Variants in TPCN2 observed in about 807,000 individuals in gnomAD.
TPCN2 encodes two pore channel protein 2.
Under a neutral mutation model 111.4 loss-of-function variants are expected in TPCN2, and 92 were observed. The observed-to-expected ratio is 0.83, with a 90% CI of 0.70 to 0.98. The LOEUF is 0.98. Ranked by LOEUF, TPCN2 falls within the 50% of genes least tolerant of loss-of-function variation. The pLI is 0.00. For synonymous variants in TPCN2, 405 were observed against 414.5 expected (o/e 0.98, Z 0.28); for missense variants, 995 against 980.1 (o/e 1.02, Z -0.20).
chr11:69,059,730 G>A (rs765828387), intron 5 of TPCN2, among the ~76,000 whole-genome samples: 5 of 152,244 alleles, frequency 3.3e-5, no homozygotes, highest in Non-Finnish European at 7.3e-5. Context: ...GATGGTGCTG[G>A]GAGAGGCGTT....
intron 7 of TPCN2, among the ~76,000 whole-genome samples, chr11:69,064,270 T>G (rs1855159549): frequency 1.6e-5 from 2 of 126,260 alleles, no homozygotes; most frequent in Non-Finnish European, 3.6e-5. Flanking sequence ...CCTATCCTCC[T>G]TCCCACTTCC....
At chr11:69,081,522 C>T (rs1328857009) in intron 18 of TPCN2, 23 bp downstream of exon 18, 3 of 1,507,702 alleles carry the variant, frequency 2.0e-6, no homozygotes, top group African/African-American at 1.4e-5. Context: ...CCCACCCCCA[C>T]TCGCCCCACC....
In TPCN2 at chr11:69,072,927, T is replaced by C. The variant is rs143088856; in HGVS notation, c.1156T>C (p.Tyr386His). 2 of 1,613,076 alleles carry C rather than the reference T, an allele frequency of 1.2e-6. No homozygotes were observed. The highest frequency in any genetic ancestry group is 1.6e-4 in the Middle Eastern group (1 of 6,074). The change falls in exon 13 of 25, where the codon TAT becomes CAT. Residue 386 changes from tyrosine to histidine, a missense_variant. Transcript: ENST00000294309. ...KQAMMEKVRS[Y>H]GSVLLSAEEF... Reference sequence around the variant, plus strand: ...CCTTCCTGTGCAGAAGGTGCGTTCCTATGGCAGTGTTCTGCTCTCAGCTGA... The same window carrying C: ...CCTTCCTGTGCAGAAGGTGCGTTCCCATGGCAGTGTTCTGCTCTCAGCTGA...
chr11:69,072,224 G>GT (rs1855565969), intron 11 of TPCN2, among the ~76,000 whole-genome samples: 1 of 125,096 alleles, frequency 8.0e-6, no homozygotes, highest in East Asian at 2.2e-4. Context: ...CTTTGTCTTC[G>GT]TGCCCCCCGG....
rs138440805 is a variant in TPCN2 at position 69,078,988 on chromosome 11, G to A, written c.1507G>A (p.Val503Met). The change falls in exon 16 of 25, where the codon GTG (valine) becomes ATG (methionine). Residue 503 changes from valine to methionine, a missense_variant. By Grantham distance (21) the Val-to-Met change is conservative (BLOSUM62 1). Transcript: ENST00000294309. ...LRGYLSYPSNVFDGLLTVVLL... is the reference protein window; with the variant it reads ...LRGYLSYPSNMFDGLLTVVLL... The stretch of plus-strand genomic sequence containing the variant: ...AGGGTACCTGTCCTACCCCAGCAAC[G>A]TGTTTGACGGGCTCCTCACCGTTGT... 63 of 1,613,376 alleles carry A rather than the reference G, an allele frequency of 3.9e-5. No individual in the cohort carries two copies. Among genetic ancestry groups the A allele is most frequent in the Non-Finnish European group, 5.0e-5 (59 of 1,179,770 alleles).
intron 7 of TPCN2, among the ~76,000 whole-genome samples, 172 bp downstream of exon 7, chr11:69,064,139 C>T (rs539626070): frequency 1.3e-4 from 20 of 152,224 alleles, no homozygotes; most frequent in African/African-American, 4.8e-4. Context: ...CACAGTGCTC[C>T]ACCACCCCAC....
chr11:69,073,031 A>C, intron 13 of TPCN2, 30 bp downstream of exon 13: 1 of 1,545,888 alleles, frequency 6.5e-7, no homozygotes, highest in South Asian at 1.1e-5. Flanking sequence ...CCCAGGGTGG[A>C]TAGTGGGGGC....
At chr11:69,085,598 G>C in intron 20 of TPCN2, 73 bp from the exon 21 acceptor site, 1 of 1,018,626 alleles carries the variant, frequency 9.8e-7, no homozygotes, top group Non-Finnish European at 1.5e-6. Flanking sequence ...GCCAGCAGAG[G>C]AAAGGGGTGT....
chr11:69,086,781 G>A (rs1417996127), intron 23 of TPCN2, among the ~76,000 whole-genome samples, 177 bp downstream of exon 23: 1 of 152,086 alleles, frequency 6.6e-6, no homozygotes, highest in Non-Finnish European at 1.5e-5. Flanking sequence ...TGCCCGCCCT[G>A]GCTGCTGGGG....
At position 69,071,751 on chromosome 11, in the gene TPCN2, C is replaced by T. The variant is rs1053480180; in HGVS notation, c.961-172C>T. 3.3e-5 allele frequency among the ~76,000 whole-genome samples: 5 copies of T among 152,284 alleles called. No individual in the cohort carries two copies. In the South Asian group the frequency reaches 1.0e-3, roughly 32 times the overall value. ...TGTGCGGCCTGTCCCGGGAGTCTGA[C>T]CAATCCTCTCATTCCTGGGGGGTGA... is the stretch of plus-strand genomic sequence containing the variant. On this transcript the variant is annotated intron_variant, in intron 10 of 24. Coordinates refer to ENST00000294309, the MANE Select transcript of TPCN2 (RefSeq NM_139075.4).
chr11:69,068,297 ACCG>A (rs1855364914), intron 8 of TPCN2, among the ~76,000 whole-genome samples: 4 of 148,696 alleles, frequency 2.7e-5, no homozygotes, highest in Admixed American at 2.7e-4. Flanking sequence ...CTAGGAAGTG[ACCG>A]CACTGGGAGC....
intron 1 of TPCN2, among the ~76,000 whole-genome samples, chr11:69,053,277 C>T (rs1049136139): frequency 7.9e-5 from 12 of 152,198 alleles, no homozygotes; most frequent in Admixed American, 1.3e-4. Context: ...CAGAAGGCAC[C>T]GGCAGAGGCT....
intron 7 of TPCN2, among the ~76,000 whole-genome samples, chr11:69,065,329 C>T (rs1317255183): frequency 6.6e-6 from 1 of 152,216 alleles, no homozygotes; most frequent in East Asian, 1.9e-4. Context: ...CTGGAAGTGG[C>T]AACAGCCTCG....
chr11:69,086,749 C>G, intron 23 of TPCN2, 145 bp downstream of exon 23: 1 of 752,268 alleles, frequency 1.3e-6, no homozygotes, highest in East Asian at 2.7e-5. Flanking sequence ...TGAGGCTGAG[C>G]CCCTCCCGTG....
intron 13 of TPCN2, among the ~76,000 whole-genome samples, chr11:69,077,375 C>T (rs1855839578): frequency 1.3e-5 from 2 of 150,156 alleles, no homozygotes; most frequent in South Asian, 4.3e-4. Flanking sequence ...CTCCACCTGC[C>T]CTCCTGCCCT....
Position 69,062,928 on chromosome 11 carries a change from G to A in TPCN2, c.591G>A (p.Gln197=). 6.2e-7 allele frequency: 1 copy of A among 1,614,052 alleles called. No individual in the cohort carries two copies. The highest frequency in any genetic ancestry group is 8.5e-7 in the Non-Finnish European group (1 of 1,179,936). Residue 197 remains glutamine (Q), a synonymous_variant, in exon 6 of 25, where the codon CAG becomes CAA. Transcript: ENST00000294309. ...TTCTCCGTCCCTTCTTCCTGCTGCA[G>A]AACTCCTCTATGATGAAGAAGACCT... ...RRLLRPFFLL[Q]NSSMMKKTLK... is the part of the protein sequence containing the mutation.
intron 18 of TPCN2, among the ~76,000 whole-genome samples, chr11:69,081,846 A>G (rs181308462): frequency 1.3e-5 from 2 of 152,030 alleles, no homozygotes; most frequent in Non-Finnish European, 2.9e-5. Context: ...CATGGCTCCC[A>G]GGGTGCTATT....
chr11:69,060,345 G>C (rs994779680), intron 5 of TPCN2, among the ~76,000 whole-genome samples: 2 of 152,208 alleles, frequency 1.3e-5, no homozygotes, highest in African/African-American at 4.8e-5. Context: ...TGCAAACCAG[G>C]CCTGAGGTTT....
At chr11:69,050,104 A>G (rs1044682357) in intron 1 of TPCN2, among the ~76,000 whole-genome samples, 1 of 152,190 alleles carries the variant, frequency 6.6e-6, no homozygotes, top group African/African-American at 2.4e-5. Flanking sequence ...CCATGGAGTA[A>G]TGAGGGGCCA....
Sources: gnomAD v4.1 joint callset for allele counts (sites outside exome capture counted in the v4.1 genomes callset) on GRCh38, gnomAD v4.1.1 for gene constraint, MANE v1.5 for transcripts, NCBI Gene and HGNC (gene_info 2026-07-23, HGNC 2026-07-21) for gene names.